ANPEP: variants seen among roughly 807,000 people sequenced by gnomAD.
ANPEP encodes alanyl aminopeptidase, membrane.
Under a neutral mutation model 114.6 loss-of-function variants are expected in ANPEP, and 70 were observed. The ratio of observed to expected loss-of-function variants is 0.61; its 90% CI spans 0.50 to 0.75. ANPEP has a LOEUF of 0.75. Among genes scored for constraint, ANPEP ranks in the 30% least tolerant of loss-of-function variants. ANPEP has a pLI of 0.00. For synonymous variants in ANPEP, 548 were observed against 522.3 expected, an observed-to-expected ratio of 1.05 and a Z score of -0.67; for missense variants, 1,184 against 1,259.5, an observed-to-expected ratio of 0.94 and a Z score of 0.91.
chr15:89,804,537 G>A lies in ANPEP; in HGVS notation c.978C>T (p.Asn326=), dbSNP rs942163779. The A allele has an allele frequency of 6.2e-7, 1 of 1,614,094 alleles. No homozygotes were observed. Among genetic ancestry groups the A allele is most frequent in the African/African-American group, 1.3e-5 (1 of 74,948 alleles). The change falls in exon 5 of 21, where the codon AAC becomes AAT. Residue 326 remains asparagine, a synonymous_variant. Transcript: ENST00000300060. The stretch of plus-strand genomic sequence containing the variant: ...GTGTGTCATAATGACCAGCAAAGAA[G>A]TTAAGGATGGGGCCCGTCACGTTCA... The part of the protein sequence containing the change: ...YALNVTGPIL[N]FFAGHYDTPY...
Position 89,788,178 on chromosome 15 carries a change from C to T in ANPEP, c.2751+2282G>A, listed in dbSNP as rs540272944. On this transcript the variant is annotated intron_variant, in intron 20 of 20. Coordinates refer to ENST00000300060, the MANE Select transcript of ANPEP (RefSeq NM_001150.3). ...AAAACATGTTTGTACAAAATTTGCA[C>T]GTGAAGGTCCATGATATTCATCACA... Among the ~76,000 whole-genome samples, 9 of 152,286 alleles carry T rather than the reference C, an allele frequency of 5.9e-5. No homozygotes were observed. The South Asian group carries it at 1.5e-3, about 25-fold the overall frequency.
intron 16 of ANPEP, among the ~76,000 whole-genome samples, 177 bp from the exon 17 acceptor site, chr15:89,792,739 C>T (rs865883408): frequency 5.9e-5 from 9 of 152,254 alleles, no homozygotes; most frequent in Middle Eastern, 3.4e-3. Context: ...CCCAAAGCAG[C>T]CCTGTGACCC....
Position 89,792,985 on chromosome 15 carries a change from G to T in ANPEP, c.2249+50C>A. 4 of 1,502,632 alleles carry T rather than the reference G, an allele frequency of 2.7e-6. No individual in the cohort carries two copies. The South Asian group carries it at 4.5e-5, about 17-fold the overall frequency. The allele number at this position is 1,502,632 out of a possible 1,614,324, so 93.1% of individuals were successfully genotyped here. ...AGAACACTGCCAGGATGTTGCTCTTGACTCCCCGGGGTGCCCAGGACTTCC... is the reference window on the plus strand; with the variant it reads ...AGAACACTGCCAGGATGTTGCTCTTTACTCCCCGGGGTGCCCAGGACTTCC... On this transcript the variant is annotated intron_variant, in intron 16 of 20. Transcript: ENST00000300060.
intron 16 of ANPEP, 136 bp from the exon 17 acceptor site, chr15:89,792,698 C>T (rs1968656201): frequency 1.3e-6 from 1 of 761,026 alleles, no homozygotes; most frequent in South Asian, 1.7e-5. Flanking sequence ...GCTGTATGTG[C>T]TTTGTGCCTT....
rs1894709563 is a variant in ANPEP at position 89,806,215 on chromosome 15, G to A, written c.369C>T (p.His123=). The stretch of plus-strand genomic sequence containing the variant: ...TGAGGGTGTAGTTGAGCTTCTTGCT[G>A]TGGATGATGATGACGTCAGTGGCCT... ...CKEATDVIII[H]SKKLNYTLSQ... Residue 123 remains histidine (H), a synonymous_variant, in exon 2 of 21, where the codon CAC becomes CAT. Transcript: ENST00000300060. The surrounding 1 kb of genome is among the most constrained non-coding windows in gnomAD (Gnocchi z 5.7). 3.7e-6 allele frequency: 6 copies of A among 1,614,116 alleles called. No individual in the cohort carries two copies. Among genetic ancestry groups the A allele is most frequent in the Non-Finnish European group, 5.1e-6 (6 of 1,180,006 alleles).
intron 12 of ANPEP, 119 bp downstream of exon 12, chr15:89,800,992 G>A (rs1427547371): frequency 3.5e-6 from 3 of 855,292 alleles, no homozygotes; most frequent in Non-Finnish European, 5.5e-6. Context: ...GTGGAGATTG[G>A]AACCAAAGAA....
Position 89,797,727 on chromosome 15 carries a change from G to C in ANPEP, c.2010-5C>G. 1 of 1,613,930 alleles carries C rather than the reference G, an allele frequency of 6.2e-7. No individual in the cohort carries two copies. Among genetic ancestry groups the C allele is most frequent in the Non-Finnish European group, 8.5e-7 (1 of 1,179,954 alleles). ...GTGACAGGGACCTTATGGGCACTGG[G>C]AATAAACAGAGGGGCCCAAGTAAAG... On this transcript the variant is annotated splice_polypyrimidine_tract_variant and splice_region_variant and intron_variant, in intron 14 of 20. Transcript: ENST00000300060.
chr15:89,799,399 G>A lies in ANPEP; in HGVS notation c.1953+27C>T, dbSNP rs760647709. 18 of 1,613,996 alleles carry A rather than the reference G, an allele frequency of 1.1e-5. No individual in the cohort carries two copies. Among genetic ancestry groups the A allele is most frequent in the Non-Finnish European group, 1.4e-5 (17 of 1,179,990 alleles). The stretch of plus-strand genomic sequence containing the variant: ...TCTGGTGCCTGTCCTGGGGCAGGGG[G>A]CAGGGCGAGGGGTGGCAGACACTCA... On this transcript the variant is annotated intron_variant, in intron 13 of 20. Transcript: ENST00000300060. The surrounding 1 kb of genome is among the most constrained non-coding windows in gnomAD (Gnocchi z 4.2).
At chr15:89,805,577 C>T in intron 2 of ANPEP, 114 bp from the exon 3 acceptor site, 1 of 1,412,120 alleles carries the variant, frequency 7.1e-7, no homozygotes, top group Non-Finnish European at 9.5e-7. Flanking sequence ...CCCAGCCTAA[C>T]CCCTGCTCCT....
At chr15:89,786,278 A>G (rs931245528) in intron 20 of ANPEP, among the ~76,000 whole-genome samples, 4 of 152,210 alleles carry the variant, frequency 2.6e-5, no homozygotes, top group Non-Finnish European at 4.4e-5. Context: ...GTAAAAAGAA[A>G]AAAGACCCAA....
intron 17 of ANPEP, 39 bp downstream of exon 17, chr15:89,792,413 G>A: frequency 6.2e-7 from 1 of 1,613,160 alleles, no homozygotes; most frequent in Non-Finnish European, 8.5e-7. Context: ...GTTGGGGGCA[G>A]ATGAAGACTG....
At chr15:89,791,501 G>A (rs1412057685) in intron 18 of ANPEP, among the ~76,000 whole-genome samples, 3 of 151,822 alleles carry the variant, frequency 2.0e-5, no homozygotes, top group African/African-American at 2.4e-5. Flanking sequence ...GCAGTGGAGC[G>A]ATTTGGGCTT....
chr15:89,785,882 C>T (rs949607419), intron 20 of ANPEP, among the ~76,000 whole-genome samples: 3 of 152,008 alleles, frequency 2.0e-5, no homozygotes, highest in Non-Finnish European at 4.4e-5. Context: ...AAAAAAAATA[C>T]TCCTACAAAT....
Position 89,803,197 on chromosome 15 carries a change from G to T in ANPEP, c.1569+42C>A. The T allele has an allele frequency of 6.3e-7, 1 of 1,596,394 alleles. No homozygotes were observed. The highest frequency in any genetic ancestry group is 1.1e-5 in the South Asian group (1 of 90,652). On this transcript the variant is annotated intron_variant, in intron 10 of 20. Coordinates refer to ENST00000300060, the MANE Select transcript of ANPEP (RefSeq NM_001150.3). This position sits in a 1 kb window ranked among gnomAD's most constrained non-coding sequence, Gnocchi z 4.2. ...CCCCCAGGTACCTTCAGCATCTCAA[G>T]ACCCCAACAGGATGGCTGTGGAGGG... is the stretch of plus-strand genomic sequence containing the variant.
At chr15:89,804,661 T>A in intron 4 of ANPEP, 44 bp from the exon 5 acceptor site, 1 of 1,598,876 alleles carries the variant, frequency 6.3e-7, no homozygotes, top group Non-Finnish European at 8.5e-7. Flanking sequence ...TCCTGTTTGA[T>A]CCTGGGGCAG....
intron 20 of ANPEP, among the ~76,000 whole-genome samples, chr15:89,786,692 C>CAA (rs113402047): frequency 8.4e-6 from 1 of 119,196 alleles, no homozygotes; most frequent in Non-Finnish European, 1.8e-5. Context: ...GACCCTTTCT[C>CAA]AAAAAAAAAA....
Position 89,803,880 on chromosome 15 carries a change from C to A in ANPEP, c.1293+9G>T, listed in dbSNP as rs770290259. ...CCCCCCGCACCAGACCCCTGGGCAGCTGGCTTACCAAGTTCCAGGTGGGCT... is the reference window on the plus strand; with the variant it reads ...CCCCCCGCACCAGACCCCTGGGCAGATGGCTTACCAAGTTCCAGGTGGGCT... On this transcript the variant is annotated intron_variant, in intron 7 of 20. Transcript: ENST00000300060. This position sits in a 1 kb window ranked among gnomAD's most constrained non-coding sequence, Gnocchi z 4.2. 1 of 1,614,154 alleles carries A rather than the reference C, an allele frequency of 6.2e-7. No individual in the cohort carries two copies. Among genetic ancestry groups the A allele is most frequent in the East Asian group, 2.2e-5 (1 of 44,872 alleles).
At chr15:89,808,978 G>A (rs1056685166) in intron 1 of ANPEP, among the ~76,000 whole-genome samples, 2 of 152,198 alleles carry the variant, frequency 1.3e-5, no homozygotes, top group African/African-American at 4.8e-5. Flanking sequence ...CTGAGCCTTT[G>A]GCATTTCCCC....
At chr15:89,792,104 C>G in intron 18 of ANPEP, 56 bp downstream of exon 18, 2 of 1,574,762 alleles carry the variant, frequency 1.3e-6, no homozygotes, top group Non-Finnish European at 1.7e-6. Flanking sequence ...GGAGGCCTGC[C>G]TGGTTCTCCA....
Sources: gnomAD v4.1 joint callset for allele counts (sites outside exome capture counted in the v4.1 genomes callset) on GRCh38, gnomAD v4.1.1 for gene constraint, Gnocchi (gnomAD v3.1) non-coding constraint, MANE v1.5 for transcripts, NCBI Gene and HGNC (gene_info 2026-07-23, HGNC 2026-07-21) for gene names.